Variants in ABCB1 observed in about 807,000 individuals in gnomAD.
ABCB1 encodes ATP binding cassette subfamily B member 1, also known as ATP-dependent translocase ABCB1.
ABCB1 carries 69 observed loss-of-function variants against 142.0 expected under a neutral mutation model. That is an observed-to-expected ratio of 0.49 (90% CI 0.40 to 0.59). The LOEUF (loss-of-function observed/expected upper bound fraction) is 0.59, where lower values mean the gene tolerates loss of function less well. Ranked by LOEUF, ABCB1 falls within the 20% of genes least tolerant of loss-of-function variation. ABCB1 has a pLI of 0.00. For missense variants in ABCB1, 1,326 were observed against 1,554.7 expected (o/e 0.85, Z 2.47); for synonymous variants, 532 against 539.2 (o/e 0.99, Z 0.18).
intron 9 of ABCB1, 100 bp from the exon 10 acceptor site, chr7:87,550,938 A>T: frequency 1.3e-6 from 1 of 757,140 alleles, no homozygotes; most frequent in Admixed American, 2.0e-5. Flanking sequence ...ATTAAAATTT[A>T]AAATGGCGAG....
intron 1 of ABCB1, among the ~76,000 whole-genome samples, chr7:87,689,776 T>A (rs1827845593): frequency 6.6e-6 from 1 of 152,158 alleles, no homozygotes; most frequent in Non-Finnish European, 1.5e-5. Context: ...TATTGTTACC[T>A]CTTTTCCTTA....
At chr7:87,707,584 G>T (rs891658562) in intron 1 of ABCB1, among the ~76,000 whole-genome samples, 2 of 152,108 alleles carry the variant, frequency 1.3e-5, no homozygotes, top group East Asian at 3.9e-4. Flanking sequence ...TGAGGTGGGA[G>T]GGTCACTTGA....
At chr7:87,646,726 T>C (rs1408275633) in intron 1 of ABCB1, among the ~76,000 whole-genome samples, 1 of 152,198 alleles carries the variant, frequency 6.6e-6, no homozygotes, top group Non-Finnish European at 1.5e-5. Flanking sequence ...TTATTTCTTA[T>C]TAAAAGTTTG....
chr7:87,505,209 C>T (rs1442968955), intron 27 of ABCB1, among the ~76,000 whole-genome samples: 2 of 152,130 alleles, frequency 1.3e-5, no homozygotes, highest in Admixed American at 6.5e-5. Context: ...AAGTGATCCT[C>T]CCACCTCAGC....
At chr7:87,521,116 T>C (rs1337268819) in intron 21 of ABCB1, 1 of 501,268 alleles carries the variant, frequency 2.0e-6, no homozygotes, top group East Asian at 3.8e-5. Flanking sequence ...CTTAAATGGA[T>C]TATGGCATTG....
At position 87,503,109 on chromosome 7, in the gene ABCB1, T is replaced by C. The variant is rs1274624642; in HGVS notation, c.*1134A>G. ...TTTGCATTTATTTGATTGTTGAAAC[T>C]GTATACATTTTTCTCATGCATTTCT... On this transcript the variant is annotated 3_prime_UTR_variant, in exon 28 of 28. Coordinates refer to ENST00000622132, the MANE Select transcript of ABCB1 (RefSeq NM_001348946.2). Among the ~76,000 whole-genome samples, 2 of 152,082 alleles carry C rather than the reference T, an allele frequency of 1.3e-5. No homozygotes were observed. Among genetic ancestry groups the C allele is most frequent in the Non-Finnish European group, 2.9e-5 (2 of 67,970 alleles).
chr7:87,549,273 C>T (rs938156140), intron 14 of ABCB1, 75 bp downstream of exon 14: 5 of 1,580,330 alleles, frequency 3.2e-6, no homozygotes, highest in Non-Finnish European at 4.3e-6. Flanking sequence ...TTTCTAAGAC[C>T]AATATTAACA....
intron 1 of ABCB1, among the ~76,000 whole-genome samples, chr7:87,696,131 G>GAAT (rs1449994674): frequency 6.6e-6 from 1 of 152,082 alleles, no homozygotes; most frequent in Non-Finnish European, 1.5e-5. Flanking sequence ...ACTTATAATT[G>GAAT]AAAGCATATT....
Position 87,549,903 on chromosome 7 carries a change from T to G in ABCB1, c.1502A>C (p.Glu501Ala). 9.9e-6 allele frequency: 16 copies of G among 1,614,226 alleles called. No homozygotes were observed. The highest frequency in any genetic ancestry group is 1.4e-5 in the Non-Finnish European group (16 of 1,180,044). Residue 501 changes from glutamate (E) to alanine (A), a missense_variant, in exon 13 of 28, where the codon GAG becomes GCG. Coordinates refer to ENST00000622132, the MANE Select transcript of ABCB1 (RefSeq NM_001348946.2). Reference protein sequence around the residue: ...GRENVTMDEIEKAVKEANAYD... With the variant: ...GRENVTMDEIAKAVKEANAYD... ...GGCATTGGCTTCCTTGACAGCTTTC[T>G]CAATCTCATCCATGGTGACATTTTC...
At chr7:87,713,156 C>T (rs960810051) in intron 1 of ABCB1, 10 of 151,992 alleles carry the variant, frequency 6.6e-5, no homozygotes, top group African/African-American at 2.4e-4. Flanking sequence ...GTATTTGTAC[C>T]TTACCTTTTA....
intron 1 of ABCB1, among the ~76,000 whole-genome samples, chr7:87,711,758 T>C (rs894852253): frequency 7.2e-5 from 11 of 152,338 alleles, no homozygotes; most frequent in African/African-American, 2.6e-4. Flanking sequence ...CACATGTAGC[T>C]AATGGTAACC....
chr7:87,626,269 TGTGTC>T lies in ABCB1; in HGVS notation c.-330-25196_-330-25192del, dbSNP rs1820508120. Among the ~76,000 whole-genome samples the T allele has an allele frequency of 1.7e-4, 8 of 48,392 alleles. 1 individual carries two copies. The highest frequency in any genetic ancestry group is 7.3e-4 in the Admixed American group (3 of 4,136). The allele number at this position is 48,392 out of a possible 152,430, so 31.7% of individuals were successfully genotyped here. ...ATATGTCATATATATGTGTCATATA[TGTGTC>T]ATATATATGTGTCATATATGTGTCA... On this transcript the variant is annotated intron_variant, in intron 1 of 28. Transcript: ENST00000265724.
intron 3 of ABCB1, among the ~76,000 whole-genome samples, chr7:87,594,656 G>C (rs148202246): frequency 2.2e-4 from 34 of 152,266 alleles, no homozygotes; most frequent in African/African-American, 7.9e-4. Flanking sequence ...GCCTAAGAAT[G>C]ACTCAAGTAC....
At chr7:87,543,749 C>T (rs906518255) in intron 17 of ABCB1, among the ~76,000 whole-genome samples, 1 of 152,174 alleles carries the variant, frequency 6.6e-6, no homozygotes, top group African/African-American at 2.4e-5. Context: ...TGTTAGAGAA[C>T]AGTGCATTCT....
chr7:87,648,037 T>C (rs1823195388), intron 1 of ABCB1, among the ~76,000 whole-genome samples: 1 of 151,652 alleles, frequency 6.6e-6, no homozygotes, highest in Non-Finnish European at 1.5e-5. Context: ...TACAAAAAAT[T>C]AGCCGGGCTT....
chr7:87,566,349 C>T, intron 6 of ABCB1, 108 bp from the exon 7 acceptor site: 1 of 1,158,448 alleles, frequency 8.6e-7, no homozygotes, highest in Non-Finnish European at 1.3e-6. Context: ...GTATTTTGTG[C>T]CTATGCTTTG....
At chr7:87,550,387 C>T (rs902627073) in intron 11 of ABCB1, 81 bp downstream of exon 11, 108 of 1,605,742 alleles carry the variant, frequency 6.7e-5, no homozygotes, top group Non-Finnish European at 9.1e-5. Context: ...TATACATGCA[C>T]TTTTTTATAA....
intron 8 of ABCB1, among the ~76,000 whole-genome samples, chr7:87,556,233 T>C (rs1348507620): frequency 1.3e-5 from 2 of 152,214 alleles, no homozygotes; most frequent in African/African-American, 4.8e-5. Flanking sequence ...TGAAAATATT[T>C]ATCAATAATG....
At chr7:87,688,098 A>G (rs752466679) in intron 1 of ABCB1, among the ~76,000 whole-genome samples, 4 of 152,158 alleles carry the variant, frequency 2.6e-5, no homozygotes, top group African/African-American at 4.8e-5. Context: ...GCTTTTAGAC[A>G]ATGGGAGAGG....
Sources: allele counts gnomAD v4.1 joint callset (sites outside exome capture counted in the v4.1 genomes callset), GRCh38; gene constraint gnomAD v4.1.1; transcripts MANE v1.5; gene names NCBI Gene and HGNC (gene_info 2026-07-23, HGNC 2026-07-21).